The following CHRD variants were observed in gnomAD, a reference collection of about 807,000 sequenced individuals.
CHRD encodes chordin.
In CHRD, 69 loss-of-function variants were observed where a neutral mutation model predicts 113.7. The ratio of observed to expected loss-of-function variants is 0.61; its 90% CI spans 0.50 to 0.74. The LOEUF is 0.74. Among genes scored for constraint, CHRD ranks in the 30% least tolerant of loss-of-function variants. The pLI, the probability that CHRD is intolerant of heterozygous loss-of-function variation, is 0.00. For synonymous variants in CHRD, 561 were observed against 540.8 expected, an observed-to-expected ratio of 1.04 and a Z score of -0.52; for missense variants, 1,194 against 1,295.8, an observed-to-expected ratio of 0.92 and a Z score of 1.21.
chr3:184,389,633 C>CT, exon 23 of CHRD: 2 of 564,026 alleles, frequency 3.5e-6, no homozygotes, highest in Non-Finnish European at 6.4e-6. Context: ...ACTCCAAGTC[C>CT]TGCCCTGCCA....
At chr3:184,386,249 C>CT (rs1452946688) in intron 15 of CHRD, 90 bp downstream of exon 15, 10 of 1,420,572 alleles carry the variant, frequency 7.0e-6, no homozygotes, top group Non-Finnish European at 8.8e-6. Context: ...CTTGCTGTCT[C>CT]TGAGTCCTGG....
At chr3:184,386,813 A>G (rs778330939) in intron 16 of CHRD, 32 bp from the exon 17 acceptor site, 1 of 1,613,796 alleles carries the variant, frequency 6.2e-7, no homozygotes, top group East Asian at 2.2e-5. Context: ...GGGCCTGGAC[A>G]CTCCCGTCAA....
chr3:184,387,202 G>T lies in CHRD; in HGVS notation c.2347+95G>T. ...AAGAAGGGGAGAGTATATAGGGGGT[G>T]GCCTGAGGGGCACAGATTCCAAGTG... On this transcript the variant is annotated intron_variant, in intron 18 of 22. Transcript: ENST00000204604. The surrounding 1 kb of genome is among the most constrained non-coding windows in gnomAD (Gnocchi z 6.1). 1 of 1,332,182 alleles carries T rather than the reference G, an allele frequency of 7.5e-7. No homozygotes were observed. The highest frequency in any genetic ancestry group is 1.2e-5 in the South Asian group (1 of 83,344). 82.5% of individuals were successfully genotyped at this position (1,332,182 alleles called of 1,614,324 possible). A position where few individuals can be genotyped will look rare whatever the true frequency, so the allele number is the denominator to read the frequency against.
Position 184,381,684 on chromosome 3 carries a change from A to G in CHRD, c.512-32A>G. The stretch of plus-strand genomic sequence containing the variant: ...GGCTGGGCCACCAAAGCGGCGTTTG[A>G]CAGTGCTCAGGCCATCTTCCTCCCG... On this transcript the variant is annotated intron_variant, in intron 4 of 22. Transcript: ENST00000204604. This position sits in a 1 kb window ranked among gnomAD's most constrained non-coding sequence, Gnocchi z 4.7. The G allele has an allele frequency of 6.2e-7, 1 of 1,609,744 alleles. No homozygotes were observed. Among genetic ancestry groups the G allele is most frequent in the Non-Finnish European group, 8.5e-7 (1 of 1,178,212 alleles).
At chr3:184,386,911 C>T (rs754647903) in exon 17 of CHRD, 38 of 1,614,096 alleles carry the variant, frequency 2.4e-5, no homozygotes, top group Non-Finnish European at 3.0e-5. Flanking sequence ...GGTGCAGGCT[C>T]CCGACCAGTG....
At position 184,381,425 on chromosome 3, in the gene CHRD, C is replaced by T; in HGVS notation, c.382+61C>T. ...GGCCACGATACTAGGTCCCGGGCCA[C>T]TTGGATGGGGCGTCGGACTGGCCTT... On this transcript the variant is annotated intron_variant, in intron 3 of 22. Coordinates refer to ENST00000204604, the Ensembl canonical transcript of CHRD. This position sits in a 1 kb window ranked among gnomAD's most constrained non-coding sequence, Gnocchi z 4.7. 2 of 1,599,048 alleles carry T rather than the reference C, an allele frequency of 1.3e-6. No homozygotes were observed. The highest frequency in any genetic ancestry group is 1.7e-6 in the Non-Finnish European group (2 of 1,172,730).
chr3:184,387,228 A>G lies in CHRD; in HGVS notation c.2347+121A>G. The G allele has an allele frequency of 7.9e-7, 1 of 1,270,212 alleles. No individual in the cohort carries two copies. Among genetic ancestry groups the G allele is most frequent in the Non-Finnish European group, 1.1e-6 (1 of 887,466 alleles). The allele number at this position is 1,270,212 out of a possible 1,614,324, so 78.7% of individuals were successfully genotyped here. Reference sequence around the variant, plus strand: ...GCCTGAGGGGCACAGATTCCAAGTGATGCCTGACAGGACTCATTAGTGTTA... The same window carrying G: ...GCCTGAGGGGCACAGATTCCAAGTGGTGCCTGACAGGACTCATTAGTGTTA... On this transcript the variant is annotated intron_variant, in intron 18 of 22. Coordinates refer to ENST00000204604, the Ensembl canonical transcript of CHRD. This position sits in a 1 kb window ranked among gnomAD's most constrained non-coding sequence, Gnocchi z 6.1.
chr3:184,381,283 A>T lies in CHRD; in HGVS notation c.301A>T (p.Asn101Tyr). Residue 101 changes from asparagine (N) to tyrosine (Y), a missense_variant, in exon 3 of 23, where the codon AAC becomes TAC. Asn to Tyr is a moderately radical substitution (Grantham distance 143). Coordinates refer to ENST00000204604, the Ensembl canonical transcript of CHRD. This position sits in a 1 kb window ranked among gnomAD's most constrained non-coding sequence, Gnocchi z 4.7. The stretch of plus-strand genomic sequence containing the variant: ...GGGCCCTGGCAGGGTCAGCTGCAAG[A>T]ACATCAAACCAGAGTGCCCAACCCC... 1.2e-6 allele frequency: 2 copies of T among 1,613,154 alleles called. No homozygotes were observed. Among genetic ancestry groups the T allele is most frequent in the South Asian group, 2.2e-5 (2 of 91,060 alleles).
downstream of CHRD, chr3:184,390,690 A>G (rs1716994214): frequency 6.6e-6 from 1 of 152,122 alleles, no homozygotes; most frequent in Non-Finnish European, 1.5e-5. Context: ...AAATCTAACA[A>G]ATGTATGTAG....
rs774371597 is a variant in CHRD at position 184,388,930 on chromosome 3, T to C, written c.2747T>C (p.Leu916Pro). ...CACTGTGAGCGGGATGACTGTTCAC[T>C]GCCACTGTCCTGTGGCTCGGGGAAG... Residue 916 changes from leucine (L) to proline (P), a missense_variant, in exon 22 of 23, where the codon CTG becomes CCG. Physicochemically the swap from Leu to Pro is moderately conservative, Grantham distance 98 (BLOSUM62 -3). Transcript: ENST00000204604. This position sits in a 1 kb window ranked among gnomAD's most constrained non-coding sequence, Gnocchi z 6.1. 31 of 1,613,406 alleles carry C rather than the reference T, an allele frequency of 1.9e-5. No individual in the cohort carries two copies. Among genetic ancestry groups the C allele is most frequent in the Non-Finnish European group, 2.5e-5 (30 of 1,179,952 alleles).
chr3:184,385,871 A>G (rs1021867551), intron 14 of CHRD, among the ~76,000 whole-genome samples, 175 bp from the exon 15 acceptor site: 3 of 152,028 alleles, frequency 2.0e-5, no homozygotes, highest in Non-Finnish European at 4.4e-5. Flanking sequence ...GTGAGTTCTC[A>G]TGGACTTGGT....
exon 14 of CHRD, chr3:184,385,152 G>A (rs1040146775): frequency 6.2e-7 from 1 of 1,614,162 alleles, no homozygotes; most frequent in Non-Finnish European, 8.5e-7. Flanking sequence ...TGGTGGCTCA[G>A]AACAAGGCAC....
At position 184,380,726 on chromosome 3, in the gene CHRD, C is replaced by T; in HGVS notation, c.183C>T (p.Asp61=). The T allele has an allele frequency of 6.3e-7, 1 of 1,599,020 alleles. No individual in the cohort carries two copies. The highest frequency in any genetic ancestry group is 1.1e-5 in the South Asian group (1 of 90,038). The change falls in exon 2 of 23, where the codon GAC becomes GAT. Residue 61 remains aspartate, a synonymous_variant. Transcript: ENST00000204604. The surrounding 1 kb of genome is among the most constrained non-coding windows in gnomAD (Gnocchi z 6.3). ...TCGGCGGGAAGGTCTATGCCTTGGA[C>T]GAGACGTGGCACCCGGACCTAGGGG...
chr3:184,389,702 T>C (rs2108666557), exon 23 of CHRD: 1 of 411,158 alleles, frequency 2.4e-6, no homozygotes, highest in East Asian at 3.8e-5. Flanking sequence ...TGTCACTGGC[T>C]TGTTGGGATT....
Position 184,380,886 on chromosome 3 carries a change from G to A in CHRD, c.252+91G>A. ...GAGTGGACTCGGAGCTGCTGAGAAG[G>A]AGCCCAGTCGGCAGATGTTGGGGAT... On this transcript the variant is annotated intron_variant, in intron 2 of 22. Coordinates refer to ENST00000204604, the Ensembl canonical transcript of CHRD. This position sits in a 1 kb window ranked among gnomAD's most constrained non-coding sequence, Gnocchi z 6.3. 1 of 978,000 alleles carries A rather than the reference G, an allele frequency of 1.0e-6. No homozygotes were observed. Among genetic ancestry groups the A allele is most frequent in the South Asian group, 1.5e-5 (1 of 65,664 alleles). The allele number at this position is 978,000 out of a possible 1,614,324, so 60.6% of individuals were successfully genotyped here. A position where few individuals can be genotyped will look rare whatever the true frequency, so the allele number is the denominator to read the frequency against.
chr3:184,388,590 G>A lies in CHRD; in HGVS notation c.2558G>A (p.Gly853Glu), dbSNP rs1716746209. Reference sequence around the variant, plus strand: ...CTTTCTCTTTCCCTCTCAACAGTGGGGTCGGGGGCCCACCCCCAGCTGGGG... The same window carrying A: ...CTTTCTCTTTCCCTCTCAACAGTGGAGTCGGGGGCCCACCCCCAGCTGGGG... The change falls in exon 21 of 23, where the codon GGG becomes GAG. Residue 853 changes from glycine to glutamate, a missense_variant. Coordinates refer to ENST00000204604, the Ensembl canonical transcript of CHRD. The surrounding 1 kb of genome is among the most constrained non-coding windows in gnomAD (Gnocchi z 6.1). 4 of 1,609,740 alleles carry A rather than the reference G, an allele frequency of 2.5e-6. No individual in the cohort carries two copies. Among genetic ancestry groups the A allele is most frequent in the East Asian group, 4.5e-5 (2 of 44,878 alleles).
At position 184,381,544 on chromosome 3, in the gene CHRD, C is replaced by T. The variant is rs766879394; in HGVS notation, c.431C>T (p.Pro144Leu). Residue 144 changes from proline to leucine, a missense_variant, in exon 4 of 23, where the codon CCG (proline) becomes CTG (leucine). By Grantham distance (98) the Pro-to-Leu change is moderately conservative. Transcript: ENST00000204604. This position sits in a 1 kb window ranked among gnomAD's most constrained non-coding sequence, Gnocchi z 4.7. ...CCGAGCGGCCTGTCCTTCGAGTATCCGCGGGACCCGGAGCATCGCAGTTAT... is the reference window on the plus strand; with the variant it reads ...CCGAGCGGCCTGTCCTTCGAGTATCTGCGGGACCCGGAGCATCGCAGTTAT... 23 of 1,607,852 alleles carry T rather than the reference C, an allele frequency of 1.4e-5. No homozygotes were observed. The highest frequency in any genetic ancestry group is 1.7e-5 in the Non-Finnish European group (20 of 1,177,706).
chr3:184,382,298 T>C, intron 6 of CHRD, 91 bp from the exon 7 acceptor site: 2 of 1,576,340 alleles, frequency 1.3e-6, no homozygotes, highest in Non-Finnish European at 1.7e-6. Flanking sequence ...TTCCTTTCCA[T>C]GTTCCTTTTT....
At chr3:184,382,647 C>T in exon 8 of CHRD, 12 of 1,613,374 alleles carry the variant, frequency 7.4e-6, no homozygotes, top group Non-Finnish European at 1.0e-5. Flanking sequence ...CCTTCAGTGC[C>T]ATCCTGACTC....
Sources: gnomAD v4.1 joint callset for allele counts (sites outside exome capture counted in the v4.1 genomes callset) on GRCh38, gnomAD v4.1.1 for gene constraint, Gnocchi (gnomAD v3.1) non-coding constraint, MANE v1.5 for transcripts, NCBI Gene and HGNC (gene_info 2026-07-23, HGNC 2026-07-21) for gene names.